TTL: variants seen among roughly 807,000 people sequenced by gnomAD.
The protein encoded by TTL is tubulin tyrosine ligase.
In TTL, 10 loss-of-function variants were observed where a neutral mutation model predicts 41.1. The observed-to-expected ratio is 0.24, with a 90% CI of 0.15 to 0.41. The LOEUF (loss-of-function observed/expected upper bound fraction) is 0.41. Ranked by LOEUF, TTL falls within the 10% of genes least tolerant of loss-of-function variation. The probability of loss-of-function intolerance (pLI) is 1.00; values close to 1 mark genes in which losing one functional copy is unlikely to be tolerated. For synonymous variants in TTL, 175 were observed against 175.5 expected (o/e 1.00, Z 0.02); for missense variants, 367 against 460.4 (o/e 0.80, Z 1.86).
At chr2:112,511,100 C>T (rs1681908486) in intron 5 of TTL, among the ~76,000 whole-genome samples, 1 of 152,076 alleles carries the variant, frequency 6.6e-6, no homozygotes, top group Non-Finnish European at 1.5e-5. Flanking sequence ...TTGCTGCAGC[C>T]TTAACCTCCT....
rs1682459840 is a variant in TTL, at chr2:112,529,708, C to G, written c.*913C>G. ...ATTCCACTCCCCAAGTGGCCCTGCC[C>G]CAGACAAAGGTTGCTTTCCCCCTTT... On this transcript the variant is annotated 3_prime_UTR_variant, in exon 7 of 7. Transcript: ENST00000233336. The G allele has an allele frequency of 4.5e-6, 1 of 222,032 alleles. No homozygotes were observed. The highest frequency in any genetic ancestry group is 2.2e-5 in the African/African-American group (1 of 44,816). 13.8% of individuals were successfully genotyped at this position (222,032 alleles called of 1,614,324 possible). A position where few individuals can be genotyped will look rare whatever the true frequency, so the allele number is the denominator to read the frequency against.
chr2:112,502,867 A>C (rs1477323262), intron 4 of TTL, 45 bp from the exon 5 acceptor site: 3 of 1,568,846 alleles, frequency 1.9e-6, no homozygotes. Context: ...AATATGCAGA[A>C]ACTTTGGATG....
At chr2:112,499,745 A>G (rs1025465042) in intron 3 of TTL, among the ~76,000 whole-genome samples, 232 of 152,350 alleles carry the variant, frequency 1.5e-3, no homozygotes, top group Admixed American at 4.9e-3. Flanking sequence ...CAGATCTAGA[A>G]TATGTAAACA....
At chr2:112,509,656 C>T (rs1403203725) in intron 5 of TTL, among the ~76,000 whole-genome samples, 2 of 152,204 alleles carry the variant, frequency 1.3e-5, no homozygotes, top group East Asian at 1.9e-4. Context: ...TGAGGCAATG[C>T]CTCGCCCTGC....
In TTL at chr2:112,482,320, C is replaced by G; in HGVS notation, c.-25C>G. 6.8e-7 allele frequency: 1 copy of G among 1,470,166 alleles called. No homozygotes were observed. Among genetic ancestry groups the G allele is most frequent in the Non-Finnish European group, 9.1e-7 (1 of 1,103,712 alleles). 91.1% of individuals were successfully genotyped at this position (1,470,166 alleles called of 1,614,324 possible). A position where few individuals can be genotyped will look rare whatever the true frequency, so the allele number is the denominator to read the frequency against. On this transcript the variant is annotated 5_prime_UTR_variant, in exon 1 of 7. Coordinates refer to ENST00000233336, the MANE Select transcript of TTL (RefSeq NM_153712.5). The surrounding 1 kb of genome is among the most constrained non-coding windows in gnomAD (Gnocchi z 5.3). ...CCTGGTCCCTGCGGCGGCTGCCCGG[C>G]GGCCCGGGCGCGCGGCGCTTCGCCA...
At chr2:112,489,427 G>T (rs1330597556) in intron 2 of TTL, among the ~76,000 whole-genome samples, 1 of 152,120 alleles carries the variant, frequency 6.6e-6, no homozygotes, top group Non-Finnish European at 1.5e-5. Flanking sequence ...TTCAAAACTA[G>T]TTCATCTTTT....
chr2:112,497,905 TA>T (rs1438990167), intron 3 of TTL, among the ~76,000 whole-genome samples: 2 of 152,180 alleles, frequency 1.3e-5, no homozygotes, highest in Admixed American at 6.5e-5. Context: ...ATGGTTATAA[TA>T]AGAAGTGGTG....
chr2:112,498,122 G>A (rs534251129), intron 3 of TTL, among the ~76,000 whole-genome samples: 89 of 152,214 alleles, frequency 5.8e-4, no homozygotes, highest in African/African-American at 2.1e-3. Flanking sequence ...TCAGGAGTTC[G>A]AGACCAGTCT....
Position 112,501,346 on chromosome 2 carries a change from T to C in TTL, c.605+5T>C, listed in dbSNP as rs748364962. ...TCATCGCAAGTTTGACATCCGGTAA[T>C]GCATTCATGTCCATAGCTTTTGTTT... On this transcript the variant is annotated splice_donor_5th_base_variant and intron_variant, in intron 4 of 6. Transcript: ENST00000233336. 5 of 1,555,014 alleles carry C rather than the reference T, an allele frequency of 3.2e-6. No individual in the cohort carries two copies. The highest frequency in any genetic ancestry group is 2.3e-5 in the East Asian group (1 of 43,748).
At chr2:112,499,924 A>G (rs1681645811) in intron 3 of TTL, among the ~76,000 whole-genome samples, 1 of 152,232 alleles carries the variant, frequency 6.6e-6, no homozygotes, top group Non-Finnish European at 1.5e-5. Flanking sequence ...AAAAACTTGT[A>G]TGCAAATCTT....
chr2:112,484,464 C>T lies in TTL; in HGVS notation c.158-1453C>T, dbSNP rs369200276. On this transcript the variant is annotated intron_variant, in intron 1 of 6. Transcript: ENST00000233336. Reference sequence around the variant, plus strand: ...ATTTTTGGTAGAGACAAGGTTTTGCCGTGTTGGTCAGGCTGGTCTCGAACT... The same window carrying T: ...ATTTTTGGTAGAGACAAGGTTTTGCTGTGTTGGTCAGGCTGGTCTCGAACT... Among the ~76,000 whole-genome samples the T allele has an allele frequency of 4.6e-5, 7 of 151,862 alleles. No homozygotes were observed. The East Asian group carries it at 5.8e-4, about 13-fold the overall frequency.
At chr2:112,511,506 A>G (rs577736617) in intron 5 of TTL, among the ~76,000 whole-genome samples, 1 of 151,150 alleles carries the variant, frequency 6.6e-6, no homozygotes, top group South Asian at 2.1e-4. Flanking sequence ...TATATTTAGG[A>G]TTGTTATCTC....
At chr2:112,517,270 CAG>C in intron 5 of TTL, among the ~76,000 whole-genome samples, 1 of 151,194 alleles carries the variant, frequency 6.6e-6, no homozygotes, top group African/African-American at 2.4e-5. Context: ...TTTTTTGAGA[CAG>C]AGTCTTGGTC....
At chr2:112,491,788 C>G (rs1480030193) in intron 2 of TTL, among the ~76,000 whole-genome samples, 3 of 152,058 alleles carry the variant, frequency 2.0e-5, no homozygotes, top group African/African-American at 4.8e-5. Flanking sequence ...TTTACACAAC[C>G]GTTTTTTCAT....
intron 3 of TTL, among the ~76,000 whole-genome samples, chr2:112,496,665 C>CTGTGTGTGTGTGCGTGTG (rs1681533948): frequency 3.8e-5 from 4 of 106,052 alleles, no homozygotes; most frequent in Non-Finnish European, 1.8e-5. Flanking sequence ...ATATATGTGT[C>CTGTGTGTGTGTGCGTGTG]TGTGTGTGTG....
chr2:112,497,983 C>G (rs1480667779), intron 3 of TTL, among the ~76,000 whole-genome samples: 1 of 152,214 alleles, frequency 6.6e-6, no homozygotes, highest in African/African-American at 2.4e-5. Flanking sequence ...AACTTAATCA[C>G]ATTTTTATGT....
Position 112,533,711 on chromosome 2 carries a change from T to C in TTL, c.*4916T>C, listed in dbSNP as rs1682550323. The C allele has an allele frequency of 6.6e-6, 1 of 152,202 alleles. No individual in the cohort carries two copies. Among genetic ancestry groups the C allele is most frequent in the Non-Finnish European group, 1.5e-5 (1 of 68,046 alleles). 9.4% of individuals were successfully genotyped at this position (152,202 alleles called of 1,614,324 possible). A position where few individuals can be genotyped will look rare whatever the true frequency, so the allele number is the denominator to read the frequency against. ...CCACTCCTGGCATAACATCATTAAT[T>C]TATTCATGAGGGTAGAGCTCTCGTG... On this transcript the variant is annotated 3_prime_UTR_variant, in exon 7 of 7. Coordinates refer to ENST00000233336, the MANE Select transcript of TTL (RefSeq NM_153712.5).
At chr2:112,502,570 G>T (rs907778884) in intron 4 of TTL, among the ~76,000 whole-genome samples, 17 of 151,410 alleles carry the variant, frequency 1.1e-4, no homozygotes, top group African/African-American at 4.1e-4. Flanking sequence ...CCGGAAGGCG[G>T]AGGTTGCAGT....
chr2:112,501,913 T>A (rs1681711516), intron 4 of TTL, among the ~76,000 whole-genome samples: 1 of 151,752 alleles, frequency 6.6e-6, no homozygotes, highest in Non-Finnish European at 1.5e-5. Flanking sequence ...ACTTGTGGAT[T>A]CAAAGAAATG....
Sources: allele counts gnomAD v4.1 joint callset (sites outside exome capture counted in the v4.1 genomes callset), GRCh38; gene constraint gnomAD v4.1.1; non-coding constraint Gnocchi (gnomAD v3.1); transcripts MANE v1.5; gene names NCBI Gene and HGNC (gene_info 2026-07-23, HGNC 2026-07-21).